The following PRLR variants were observed in gnomAD, a reference collection of about 807,000 sequenced individuals.
PRLR encodes hPRL receptor.
Under a neutral mutation model 40.2 loss-of-function variants are expected in PRLR, and 13 were observed. The observed-to-expected ratio is 0.32, with a 90% CI of 0.21 to 0.51. PRLR has a LOEUF of 0.51. Among genes scored for constraint, PRLR ranks in the 20% least tolerant of loss-of-function variants. PRLR has a pLI of 0.97. For missense variants in PRLR, 656 were observed against 747.3 expected (o/e 0.88, Z 1.42); for synonymous variants, 269 against 278.7 (o/e 0.97, Z 0.35).
exon 9 of PRLR, chr5:35,049,278 T>C (rs1246579605): frequency 8.5e-6 from 6 of 703,386 alleles, no homozygotes; most frequent in Non-Finnish European, 1.6e-5. Flanking sequence ...TGGTATATGC[T>C]CTTCAGCTCT....
At chr5:35,194,997 G>C (rs901004165) in intron 1 of PRLR, 2 of 152,154 alleles carry the variant, frequency 1.3e-5, no homozygotes, top group African/African-American at 4.8e-5. Context: ...AACTCTGTGG[G>C]GGAAAACGGG....
At chr5:35,225,498 TA>T (rs1776525274) in intron 1 of PRLR, among the ~76,000 whole-genome samples, 1 of 152,220 alleles carries the variant, frequency 6.6e-6, no homozygotes, top group Non-Finnish European at 1.5e-5. Context: ...GTCAACTTAT[TA>T]GTCTAGATCA....
intron 2 of PRLR, among the ~76,000 whole-genome samples, chr5:35,110,942 C>T (rs924434632): frequency 1.3e-5 from 2 of 152,148 alleles, no homozygotes; most frequent in South Asian, 4.1e-4. Flanking sequence ...ACACCCAGAA[C>T]CTGACCTTAC....
chr5:35,171,949 T>C (rs1347119136), intron 1 of PRLR, among the ~76,000 whole-genome samples: 2 of 152,224 alleles, frequency 1.3e-5, no homozygotes, highest in East Asian at 3.8e-4. Flanking sequence ...TTGTCAATGT[T>C]GAATGCAAAT....
At chr5:35,129,631 A>G (rs1773590066) in intron 1 of PRLR, among the ~76,000 whole-genome samples, 1 of 152,114 alleles carries the variant, frequency 6.6e-6, no homozygotes, top group Non-Finnish European at 1.5e-5. Flanking sequence ...ATTCAGAAAC[A>G]TCACCACTGT....
intron 2 of PRLR, among the ~76,000 whole-genome samples, chr5:35,102,146 G>T (rs1771924488): frequency 6.6e-6 from 1 of 151,806 alleles, no homozygotes; most frequent in African/African-American, 2.4e-5. Flanking sequence ...AATCTATTGG[G>T]TGCACACTTC....
At chr5:35,220,491 A>T (rs1776387972) in intron 1 of PRLR, among the ~76,000 whole-genome samples, 2 of 152,048 alleles carry the variant, frequency 1.3e-5, no homozygotes, top group Non-Finnish European at 2.9e-5. Flanking sequence ...CCTTCAGCAA[A>T]CTCTATTCCC....
At chr5:35,125,756 T>C (rs1773438049) in intron 1 of PRLR, among the ~76,000 whole-genome samples, 1 of 152,204 alleles carries the variant, frequency 6.6e-6, no homozygotes, top group Non-Finnish European at 1.5e-5. Context: ...TATCCAGGGC[T>C]TAGGATTATT....
intron 1 of PRLR, among the ~76,000 whole-genome samples, chr5:35,154,236 T>G (rs964582041): frequency 2.6e-5 from 4 of 152,154 alleles, no homozygotes; most frequent in Non-Finnish European, 4.4e-5. Flanking sequence ...TCTGACTTCT[T>G]GTTTTATATT....
At chr5:35,074,560 G>A (rs1402143395) in intron 5 of PRLR, among the ~76,000 whole-genome samples, 2 of 148,034 alleles carry the variant, frequency 1.4e-5, no homozygotes, top group African/African-American at 5.2e-5. Flanking sequence ...CCCAGAAACA[G>A]ACAGTCATTG....
intron 2 of PRLR, among the ~76,000 whole-genome samples, chr5:35,098,179 G>T (rs1393280059): frequency 6.6e-6 from 1 of 152,166 alleles, no homozygotes; most frequent in Non-Finnish European, 1.5e-5. Context: ...GGATGTGAAT[G>T]GTCGTGATGT....
At position 35,140,021 on chromosome 5, in the gene PRLR, A is replaced by G. The variant is rs375213173; in HGVS notation, c.-105-21899T>C. ...ACATTAAAAATGTAATTTTTTAAAG[A>G]ATTAGAATTAACACATGAATTTTCC... is the stretch of plus-strand genomic sequence containing the variant. On this transcript the variant is annotated intron_variant, in intron 1 of 9. Coordinates refer to ENST00000618457, the MANE Select transcript of PRLR (RefSeq NM_000949.7). 3.3e-5 allele frequency among the ~76,000 whole-genome samples: 5 copies of G among 152,366 alleles called. No individual in the cohort carries two copies. The East Asian group carries it at 5.8e-4, about 18-fold the overall frequency.
chr5:35,228,627 A>C (rs1181144631), intron 1 of PRLR, among the ~76,000 whole-genome samples: 2 of 152,208 alleles, frequency 1.3e-5, no homozygotes, highest in African/African-American at 4.8e-5. Context: ...GGTGGGACTG[A>C]AAATTCTAGG....
chr5:35,174,687 T>C (rs967078182), intron 1 of PRLR, among the ~76,000 whole-genome samples: 2 of 152,186 alleles, frequency 1.3e-5, no homozygotes, highest in African/African-American at 4.8e-5. Flanking sequence ...CTTGGGCTCC[T>C]TGCCTCCTGT....
chr5:35,135,475 G>GA (rs1773827665), intron 1 of PRLR: 1 of 152,370 alleles, frequency 6.6e-6, no homozygotes, highest in South Asian at 2.1e-4. Flanking sequence ...TTATTGATCT[G>GA]TTTTGTGTCT....
At chr5:35,197,469 G>A (rs563568791) in intron 1 of PRLR, among the ~76,000 whole-genome samples, 3 of 152,302 alleles carry the variant, frequency 2.0e-5, no homozygotes, top group East Asian at 1.9e-4. Context: ...AGTGACCCCC[G>A]ATTGGTGCTT....
intron 1 of PRLR, among the ~76,000 whole-genome samples, chr5:35,128,299 A>C (rs1025969045): frequency 5.3e-5 from 8 of 149,840 alleles, no homozygotes; most frequent in Admixed American, 5.3e-4. Flanking sequence ...GCATCTGTGG[A>C]TCTAATGAAT....
exon 9 of PRLR, chr5:35,049,029 G>A (rs1768381260): frequency 1.8e-6 from 1 of 545,642 alleles, no homozygotes; most frequent in Admixed American, 2.2e-5. Flanking sequence ...GGAGGTGAAG[G>A]CACTAGGTAA....
chr5:35,155,627 T>C (rs1374430038), intron 1 of PRLR, among the ~76,000 whole-genome samples: 1 of 152,198 alleles, frequency 6.6e-6, no homozygotes, highest in East Asian at 1.9e-4. Context: ...TCACAGTTGA[T>C]GAAATGGGCA....
Sources: gnomAD v4.1 joint callset for allele counts (sites outside exome capture counted in the v4.1 genomes callset) on GRCh38, gnomAD v4.1.1 for gene constraint, MANE v1.5 for transcripts, NCBI Gene and HGNC (gene_info 2026-07-23, HGNC 2026-07-21) for gene names.